Variants in UBN1 observed in about 807,000 individuals in gnomAD.
The protein encoded by UBN1 is ubinuclein-1.
A neutral mutation model predicts 108.5 loss-of-function variants in UBN1; 17 were observed. That is an observed-to-expected ratio of 0.16 (90% CI 0.11 to 0.24). The LOEUF (loss-of-function observed/expected upper bound fraction) is 0.24, where lower values mean the gene tolerates loss of function less well. Ranked by LOEUF, UBN1 falls within the 10% of genes least tolerant of loss-of-function variation. UBN1 has a pLI of 1.00. For synonymous variants in UBN1, 726 were observed against 564.2 expected (o/e 1.29, Z -4.07); for missense variants, 1,595 against 1,394.4 (o/e 1.14, Z -2.29).
chr16:4,870,152 C>G, intron 8 of UBN1, 60 bp from the exon 9 acceptor site: 1 of 1,606,512 alleles, frequency 6.2e-7, no homozygotes, highest in Non-Finnish European at 8.5e-7. Flanking sequence ...GTACGGTGAG[C>G]TGATGAAGAC....
rs1250203232 is a variant in UBN1, at chr16:4,859,107, C to A, written c.515C>A (p.Ala172Glu). 6.2e-7 allele frequency: 1 copy of A among 1,614,068 alleles called. No homozygotes were observed. Among genetic ancestry groups the A allele is most frequent in the African/African-American group, 1.3e-5 (1 of 74,928 alleles). The change falls in exon 5 of 18, where the codon GCA becomes GAA. Residue 172 changes from alanine (A) to glutamate (E), a missense_variant. Ala to Glu is a moderately radical substitution (Grantham distance 107). Coordinates refer to ENST00000262376, the MANE Select transcript of UBN1 (RefSeq NM_001079514.3). ...TCGGGAACCCTGCAGTTTAGACAAG[C>A]ATCAGAGTCTGAAGATGACTTCATT... ...INSGTLQFRQ[A>E]SESEDDFIKE...
At chr16:4,858,486 T>G in intron 3 of UBN1, 82 bp from the exon 4 acceptor site, 1 of 1,266,976 alleles carries the variant, frequency 7.9e-7, no homozygotes. Flanking sequence ...CCTCTTTGAG[T>G]CATAGCTGAT....
chr16:4,858,637 G>A lies in UBN1; in HGVS notation c.406G>A (p.Asp136Asn). The A allele has an allele frequency of 6.2e-7, 1 of 1,614,118 alleles. No homozygotes were observed. Among genetic ancestry groups the A allele is most frequent in the Non-Finnish European group, 8.5e-7 (1 of 1,180,010 alleles). ...TATGGGGTATGGTTATGATGAATCC[G>A]ACTCCTTCATCGATAACTCTGAGGC... ...IDMGYGYDES[D>N]SFIDNSEAYD... The change falls in exon 4 of 18, where the codon GAC becomes AAC. Residue 136 changes from aspartate (D) to asparagine (N), a missense_variant. This residue lies in a region of UBN1 where 16 missense variants were observed against 42.4 expected (regional missense o/e 0.38). Coordinates refer to ENST00000262376, the MANE Select transcript of UBN1 (RefSeq NM_001079514.3).
chr16:4,853,224 C>A, intron 2 of UBN1, 58 bp downstream of exon 2: 1 of 1,577,328 alleles, frequency 6.3e-7, no homozygotes, highest in Non-Finnish European at 8.6e-7. Flanking sequence ...TCAGTGCATG[C>A]ATGTGGGGCT....
intron 7 of UBN1, among the ~76,000 whole-genome samples, chr16:4,864,302 T>C (rs977906916): frequency 1.3e-5 from 2 of 152,120 alleles, no homozygotes; most frequent in African/African-American, 2.4e-5. Flanking sequence ...TCTTATCCCA[T>C]GTGTATTGAT....
Position 4,870,239 on chromosome 16 carries a change from C to G in UBN1, c.1209C>G (p.Ser403Arg). The G allele has an allele frequency of 6.2e-7, 1 of 1,614,248 alleles. No homozygotes were observed. Among genetic ancestry groups the G allele is most frequent in the Non-Finnish European group, 8.5e-7 (1 of 1,180,044 alleles). Residue 403 changes from serine (S) to arginine (R), a missense_variant, in exon 9 of 18, where the codon AGC (serine) becomes AGG (arginine). Physicochemically the swap from Ser to Arg is moderately radical, Grantham distance 110. This residue lies in a region of UBN1 where 1,398 missense variants were observed against 1,194.7 expected (regional missense o/e 1.17). Transcript: ENST00000262376. The stretch of plus-strand genomic sequence containing the variant: ...TAGAGGCGCAGACTCGGGAGCTGAG[C>G]AGTCAGGTCCGCTCTGGGGTGTATG... ...LDIEAQTREL[S>R]SQVRSGVYAY...
At position 4,877,183 on chromosome 16, in the gene UBN1, A is replaced by G; in HGVS notation, c.3265+72A>G. ...GTGGCCAGGGGTCCTGCTGTTGTGT[A>G]CTCTGGTTCCTGTGTTTGAGTCTGG... On this transcript the variant is annotated intron_variant, in intron 16 of 17. Coordinates refer to ENST00000262376, the MANE Select transcript of UBN1 (RefSeq NM_001079514.3). The surrounding 1 kb of genome is among the most constrained non-coding windows in gnomAD (Gnocchi z 4.3). The G allele has an allele frequency of 6.5e-7, 1 of 1,532,734 alleles. No individual in the cohort carries two copies. The highest frequency in any genetic ancestry group is 8.7e-7 in the Non-Finnish European group (1 of 1,144,388). The allele number at this position is 1,532,734 out of a possible 1,614,324, so 94.9% of individuals were successfully genotyped here.
rs2087597029 is a variant in UBN1 at position 4,870,859 on chromosome 16, G to C, written c.1446G>C (p.Glu482Asp). 1 of 1,613,984 alleles carries C rather than the reference G, an allele frequency of 6.2e-7. No homozygotes were observed. Among genetic ancestry groups the C allele is most frequent in the East Asian group, 2.2e-5 (1 of 44,868 alleles). ...CACCCCGTAGGATGCTGGAAGAGGA[G>C]AAAGACAAGGAGCAGAGGGACCGGA... is the stretch of plus-strand genomic sequence containing the variant. ...QAKVAKMLEE[E>D]KDKEQRDRIC... The change falls in exon 11 of 18, where the codon GAG becomes GAC. Residue 482 changes from glutamate to aspartate, a missense_variant. This residue lies in a region of UBN1 where 1,398 missense variants were observed against 1,194.7 expected (regional missense o/e 1.17). Coordinates refer to ENST00000262376, the MANE Select transcript of UBN1 (RefSeq NM_001079514.3).
intron 7 of UBN1, among the ~76,000 whole-genome samples, chr16:4,864,915 C>A (rs553902291): frequency 3.9e-5 from 6 of 152,094 alleles, no homozygotes; most frequent in Non-Finnish European, 8.8e-5. Flanking sequence ...AAATCATGCC[C>A]GATTTTCTCC....
chr16:4,856,531 G>T (rs1429084824), intron 2 of UBN1, among the ~76,000 whole-genome samples: 1 of 152,200 alleles, frequency 6.6e-6, no homozygotes, highest in East Asian at 1.9e-4. Flanking sequence ...ACCACCGCAG[G>T]TAACAGAAAT....
intron 12 of UBN1, among the ~76,000 whole-genome samples, chr16:4,871,865 C>A (rs958577539): frequency 3.3e-5 from 5 of 152,102 alleles, no homozygotes; most frequent in African/African-American, 4.8e-5. Context: ...GGATTACAGG[C>A]GTGAGCCACC....
intron 2 of UBN1, among the ~76,000 whole-genome samples, chr16:4,853,599 C>A (rs145775677): frequency 1.1e-4 from 16 of 150,382 alleles, no homozygotes; most frequent in African/African-American, 3.9e-4. Flanking sequence ...GCCCTGTCGT[C>A]CAGGCTGGAA....
Position 4,870,839 on chromosome 16 carries a change from C to T in UBN1, c.1431-5C>T, listed in dbSNP as rs148222032. The T allele has an allele frequency of 6.1e-4, 986 of 1,613,460 alleles. 6 individuals carry two copies. In the African/African-American group the frequency reaches 0.011, roughly 18 times the overall value. On this transcript the variant is annotated splice_region_variant and splice_polypyrimidine_tract_variant and intron_variant, in intron 10 of 17. Transcript: ENST00000262376. ...GGGCCCCATGTAATTCTATTCACCC[C>T]GTAGGATGCTGGAAGAGGAGAAAGA...
At chr16:4,879,073 A>G (rs931678298) in intron 17 of UBN1, among the ~76,000 whole-genome samples, 18 of 152,198 alleles carry the variant, frequency 1.2e-4, no homozygotes, top group African/African-American at 3.6e-4. Flanking sequence ...TCAGAATAGG[A>G]AGAATAAGTG....
At position 4,847,579 on chromosome 16, in the gene UBN1, C is replaced by T; in HGVS notation, c.-671C>T. 1 of 370,372 alleles carries T rather than the reference C, an allele frequency of 2.7e-6. No homozygotes were observed. The highest frequency in any genetic ancestry group is 4.9e-6 in the Non-Finnish European group (1 of 204,904). 22.9% of individuals were successfully genotyped at this position (370,372 alleles called of 1,614,324 possible). The stretch of plus-strand genomic sequence containing the variant: ...CGACCGGCTGAGCGCGAGAGGGAGC[C>T]GGCCTCGCGGCTCGCCCCGCCCCCG... On this transcript the variant is annotated 5_prime_UTR_variant, in exon 1 of 18. Transcript: ENST00000262376.
At chr16:4,866,397 G>A (rs1183648603) in intron 7 of UBN1, among the ~76,000 whole-genome samples, 6 of 152,170 alleles carry the variant, frequency 3.9e-5, no homozygotes, top group African/African-American at 1.4e-4. Context: ...GTGGCGTGCC[G>A]TTTTACAGTA....
At chr16:4,854,988 C>T (rs1418839168) in intron 2 of UBN1, among the ~76,000 whole-genome samples, 1 of 152,146 alleles carries the variant, frequency 6.6e-6, no homozygotes, top group Non-Finnish European at 1.5e-5. Context: ...TCCCAAAGTG[C>T]TGGGATTACA....
At chr16:4,873,111 C>T (rs753912710) in intron 14 of UBN1, 38 bp downstream of exon 14, 6 of 1,613,004 alleles carry the variant, frequency 3.7e-6, no homozygotes, top group South Asian at 1.1e-5. Flanking sequence ...CAGCTATGCC[C>T]ATCTCCCTAC....
Position 4,877,358 on chromosome 16 carries a change from C to G in UBN1, c.3266-27C>G. ...CTGTCTTCAATGTGTGTGTTTTGTT[C>G]TTTTCTCCCCTCCTGTTTTCTCTCA... On this transcript the variant is annotated intron_variant, in intron 16 of 17. Transcript: ENST00000262376. The surrounding 1 kb of genome is among the most constrained non-coding windows in gnomAD (Gnocchi z 4.3). The G allele has an allele frequency of 6.3e-7, 1 of 1,597,642 alleles. No homozygotes were observed. Among genetic ancestry groups the G allele is most frequent in the Non-Finnish European group, 8.5e-7 (1 of 1,171,382 alleles).
Sources: allele counts gnomAD v4.1 joint callset (sites outside exome capture counted in the v4.1 genomes callset), GRCh38; gene constraint gnomAD v4.1.1; regional missense constraint gnomAD v4.1.1; non-coding constraint Gnocchi (gnomAD v3.1); transcripts MANE v1.5; gene names NCBI Gene and HGNC (gene_info 2026-07-23, HGNC 2026-07-21).